The following POMK variants were observed in gnomAD, a reference collection of about 807,000 sequenced individuals.
POMK encodes protein O-mannose kinase.
POMK carries 19 observed loss-of-function variants against 23.0 expected under a neutral mutation model. The observed-to-expected ratio is 0.83, with a 90% CI of 0.58 to 1.21. The LOEUF is 1.21. Ranked by LOEUF, POMK falls within the 50% of genes most tolerant of loss-of-function variation. The probability of loss-of-function intolerance (pLI) is 0.00; values close to 1 mark genes in which losing one functional copy is unlikely to be tolerated. For missense variants in POMK, 410 were observed against 431.3 expected, an observed-to-expected ratio of 0.95 and a Z score of 0.44; for synonymous variants, 173 against 171.6, an observed-to-expected ratio of 1.01 and a Z score of -0.06.
chr8:43,096,163 A>G (rs891498660), intron 1 of POMK, among the ~76,000 whole-genome samples: 1 of 152,206 alleles, frequency 6.6e-6, no homozygotes, highest in African/African-American at 2.4e-5. Flanking sequence ...CTCAGAATCT[A>G]GAGGAAGCCG....
intron 4 of POMK, among the ~76,000 whole-genome samples, chr8:43,118,873 G>A (rs142578605): frequency 5.9e-5 from 9 of 152,058 alleles, no homozygotes; most frequent in Non-Finnish European, 1.0e-4. Flanking sequence ...GCCTGATCTC[G>A]GCTAACTGCA....
intron 4 of POMK, among the ~76,000 whole-genome samples, chr8:43,118,550 T>C (rs1051538422): frequency 1.3e-5 from 2 of 152,250 alleles, no homozygotes; most frequent in African/African-American, 4.8e-5. Context: ...TTTTAACTGT[T>C]CTTTCCAAAT....
intron 4 of POMK, among the ~76,000 whole-genome samples, chr8:43,115,690 T>C (rs1286651990): frequency 6.6e-6 from 1 of 152,214 alleles, no homozygotes; most frequent in Non-Finnish European, 1.5e-5. Context: ...ACCTCTTCAG[T>C]CTATTCTGAA....
At chr8:43,108,589 AG>A (rs1442964668) in intron 4 of POMK, among the ~76,000 whole-genome samples, 1 of 152,224 alleles carries the variant, frequency 6.6e-6, no homozygotes, top group Non-Finnish European at 1.5e-5. Context: ...TTAAACAAAA[AG>A]GTTACTTCAG....
intron 2 of POMK, among the ~76,000 whole-genome samples, chr8:43,097,953 A>G (rs1161863216): frequency 6.6e-6 from 1 of 152,198 alleles, no homozygotes; most frequent in Non-Finnish European, 1.5e-5. Context: ...AGCAGAGTTC[A>G]GATGGCTGCT....
chr8:43,101,218 T>C (rs1271973578), intron 2 of POMK, among the ~76,000 whole-genome samples: 4 of 150,208 alleles, frequency 2.7e-5, no homozygotes, highest in South Asian at 2.1e-4. Context: ...AGGCCAGGAG[T>C]TCAAGGCCAG....
intron 2 of POMK, among the ~76,000 whole-genome samples, chr8:43,099,226 C>G (rs1421592775): frequency 6.6e-6 from 1 of 152,234 alleles, no homozygotes; most frequent in African/African-American, 2.4e-5. Flanking sequence ...GCCGGGATTA[C>G]AAGTGTGAGC....
intron 4 of POMK, among the ~76,000 whole-genome samples, chr8:43,114,123 C>A (rs62517600): frequency 6.6e-6 from 1 of 152,202 alleles, no homozygotes; most frequent in Non-Finnish European, 1.5e-5. Context: ...CTGGGAGAAC[C>A]ACTGCTCTCT....
At chr8:43,118,468 G>A (rs1026972327) in intron 4 of POMK, among the ~76,000 whole-genome samples, 7 of 152,164 alleles carry the variant, frequency 4.6e-5, no homozygotes, top group African/African-American at 1.4e-4. Flanking sequence ...GAGACATCCT[G>A]CCTATCCTCT....
At chr8:43,101,436 A>G (rs1447869835) in intron 2 of POMK, among the ~76,000 whole-genome samples, 1 of 151,644 alleles carries the variant, frequency 6.6e-6, no homozygotes, top group African/African-American at 2.4e-5. Context: ...AAAAAAAAAA[A>G]AGGAAGAAAA....
At chr8:43,112,650 A>C (rs548164483) in intron 4 of POMK, among the ~76,000 whole-genome samples, 1 of 152,182 alleles carries the variant, frequency 6.6e-6, no homozygotes, top group Admixed American at 6.5e-5. Flanking sequence ...AAAAATGTTA[A>C]GGGCAGCCAG....
intron 2 of POMK, among the ~76,000 whole-genome samples, chr8:43,099,674 A>C (rs1811399385): frequency 6.6e-6 from 1 of 152,190 alleles, no homozygotes; most frequent in Admixed American, 6.5e-5. Context: ...GTTTGGGTGC[A>C]GTGGCAGTGA....
chr8:43,104,284 G>A (rs945456056), intron 4 of POMK, among the ~76,000 whole-genome samples: 1 of 151,990 alleles, frequency 6.6e-6, no homozygotes, highest in African/African-American at 2.4e-5. Context: ...CACCACGCCT[G>A]GCTAATTTTT....
chr8:43,113,456 C>T (rs1811724863), intron 4 of POMK, among the ~76,000 whole-genome samples: 1 of 152,216 alleles, frequency 6.6e-6, no homozygotes, highest in Non-Finnish European at 1.5e-5. Flanking sequence ...TGGCTTTCAG[C>T]TCCATCAGCT....
At chr8:43,112,563 A>T (rs1301139753) in intron 4 of POMK, among the ~76,000 whole-genome samples, 1 of 152,128 alleles carries the variant, frequency 6.6e-6, no homozygotes, top group Non-Finnish European at 1.5e-5. Context: ...AATACAGAGA[A>T]CGCCACAAAG....
At position 43,122,225 on chromosome 8, in the gene POMK, T is replaced by C; in HGVS notation, c.401T>C (p.Val134Ala). ...QMLKSLQGTH[V>A]VTLLGYCEDD... ...CTGAAATCTCTCCAAGGCACACATG[T>C]TGTCACGCTGCTTGGCTATTGTGAG... The change falls in exon 5 of 5, where the codon GTT (valine) becomes GCT (alanine). Residue 134 changes from valine (V) to alanine (A), a missense_variant. Transcript: ENST00000331373. The C allele has an allele frequency of 6.2e-7, 1 of 1,614,212 alleles. No homozygotes were observed.
At chr8:43,096,130 A>ACAGG (rs535680137) in intron 1 of POMK, among the ~76,000 whole-genome samples, 338 of 152,302 alleles carry the variant, frequency 2.2e-3, no homozygotes, top group African/African-American at 7.9e-3. Flanking sequence ...GGTGAACAGG[A>ACAGG]CAGGCAGGCA....
chr8:43,103,010 C>T (rs1302997143), intron 3 of POMK, among the ~76,000 whole-genome samples: 1 of 152,234 alleles, frequency 6.6e-6, no homozygotes, highest in Non-Finnish European at 1.5e-5. Context: ...ATCTACCTTT[C>T]ATAACTGCTG....
intron 1 of POMK, among the ~76,000 whole-genome samples, chr8:43,095,712 C>G (rs1811320793): frequency 1.3e-5 from 2 of 152,160 alleles, no homozygotes; most frequent in Admixed American, 1.3e-4. Context: ...AATCCTCTTG[C>G]CAAAACTCTG....
Sources: allele counts gnomAD v4.1 joint callset (sites outside exome capture counted in the v4.1 genomes callset), GRCh38; gene constraint gnomAD v4.1.1; transcripts MANE v1.5; gene names NCBI Gene and HGNC (gene_info 2026-07-23, HGNC 2026-07-21).